Variants in ANKRD44 observed in about 807,000 individuals in gnomAD.
ANKRD44 encodes the protein ankyrin repeat domain 44.
In ANKRD44, 35 loss-of-function variants were observed where a neutral mutation model predicts 116.0. The ratio of observed to expected loss-of-function variants is 0.30; its 90% CI spans 0.23 to 0.40. The LOEUF (loss-of-function observed/expected upper bound fraction) is 0.40. ANKRD44 is among the 10% of genes least tolerant of loss of function. The pLI is 1.00. For missense variants in ANKRD44, 1,014 were observed against 1,242.6 expected, an observed-to-expected ratio of 0.82 and a Z score of 2.77; for synonymous variants, 435 against 461.8, an observed-to-expected ratio of 0.94 and a Z score of 0.74.
chr2:196,981,225 T>C (rs960678980), intron 21 of ANKRD44, among the ~76,000 whole-genome samples: 1 of 152,226 alleles, frequency 6.6e-6, no homozygotes, highest in Non-Finnish European at 1.5e-5. Context: ...TTTCACTTTC[T>C]TCCTTACCCA....
intron 1 of ANKRD44, among the ~76,000 whole-genome samples, chr2:197,217,826 A>G (rs2081485008): frequency 6.6e-6 from 1 of 152,180 alleles, no homozygotes; most frequent in African/African-American, 2.4e-5. Context: ...GGTTCTTTCC[A>G]GATCTAAAAA....
intron 1 of ANKRD44, among the ~76,000 whole-genome samples, chr2:197,258,270 CTTTTTTTTTTT>C (rs71395680): frequency 2.5e-5 from 2 of 79,222 alleles, no homozygotes; most frequent in Non-Finnish European, 4.4e-5. Context: ...TTGGCTAATC[CTTTTTTTTTTT>C]TTTTTTTTTT....
chr2:197,059,034 T>C (rs1253983357), intron 16 of ANKRD44, among the ~76,000 whole-genome samples: 1 of 15,436 alleles, frequency 6.5e-5, no homozygotes, highest in African/African-American at 9.3e-5. Flanking sequence ...ATAATTTTCA[T>C]CTAGATGATA....
intron 2 of ANKRD44, among the ~76,000 whole-genome samples, chr2:197,185,803 G>GT (rs2080642717): frequency 6.6e-6 from 1 of 152,122 alleles, no homozygotes; most frequent in Non-Finnish European, 1.5e-5. Flanking sequence ...TGTGACTTCA[G>GT]AGGGCACACA....
intron 1 of ANKRD44, among the ~76,000 whole-genome samples, chr2:197,276,602 G>A (rs1440540700): frequency 1.3e-5 from 2 of 152,044 alleles, no homozygotes; most frequent in Non-Finnish European, 2.9e-5. Context: ...TCCCCATATT[G>A]AAATACATGC....
At chr2:197,061,394 G>A (rs1574375699) in intron 16 of ANKRD44, among the ~76,000 whole-genome samples, 1 of 152,244 alleles carries the variant, frequency 6.6e-6, no homozygotes, top group African/African-American at 2.4e-5. Context: ...GGCAGCCCCT[G>A]CACTGTCATG....
intron 21 of ANKRD44, among the ~76,000 whole-genome samples, chr2:196,981,164 C>T (rs900319314): frequency 3.9e-5 from 6 of 152,194 alleles, no homozygotes; most frequent in Admixed American, 2.0e-4. Flanking sequence ...TCTGTCTTAT[C>T]CTGACCCCCA....
rs563084051 is a variant in ANKRD44, at chr2:197,072,104, G to A, written c.1650+6599C>T. Among the ~76,000 whole-genome samples, 5 of 144,056 alleles carry A rather than the reference G, an allele frequency of 3.5e-5. No individual in the cohort carries two copies. In the Admixed American group the frequency reaches 3.5e-4, roughly 10 times the overall value. The allele number at this position is 144,056 out of a possible 152,430, so 94.5% of individuals were successfully genotyped here. A position where few individuals can be genotyped will look rare whatever the true frequency, so the allele number is the denominator to read the frequency against. On this transcript the variant is annotated intron_variant, in intron 16 of 27. Transcript: ENST00000282272. ...GAAGGAAGGAAGGAAGGAAGGAAAA[G>A]GAAGAAAGGAGGAGGGAGGGTAGGG...
At chr2:197,146,751 T>G (rs1043493096) in intron 3 of ANKRD44, among the ~76,000 whole-genome samples, 2 of 151,206 alleles carry the variant, frequency 1.3e-5, no homozygotes, top group African/African-American at 2.5e-5. Context: ...AATCAAAATA[T>G]ATCCAAATGT....
chr2:197,163,065 A>T (rs1415347868), intron 2 of ANKRD44, among the ~76,000 whole-genome samples: 1 of 152,154 alleles, frequency 6.6e-6, no homozygotes, highest in East Asian at 1.9e-4. Flanking sequence ...TTGAGTGAAG[A>T]TAGCAACCAC....
intron 2 of ANKRD44, among the ~76,000 whole-genome samples, chr2:197,178,944 G>A (rs1332817847): frequency 6.6e-6 from 1 of 151,910 alleles, no homozygotes. Flanking sequence ...AGTGGCTCAC[G>A]CCTGTAATCC....
At chr2:197,139,851 TGTGTGTG>T (rs1559096348) in intron 3 of ANKRD44, among the ~76,000 whole-genome samples, 59 of 5,044 alleles carry the variant, frequency 0.012, no homozygotes, top group East Asian at 0.031. Flanking sequence ...GCTGCTTTTG[TGTGTGTG>T]TGTGTGTGTG....
intron 1 of ANKRD44, among the ~76,000 whole-genome samples, chr2:197,294,613 A>G (rs993755882): frequency 6.6e-6 from 1 of 152,094 alleles, no homozygotes; most frequent in African/African-American, 2.4e-5. Flanking sequence ...ACACACACAA[A>G]CTTATAACCC....
At chr2:197,130,719 C>T (rs1053543794) in intron 4 of ANKRD44, among the ~76,000 whole-genome samples, 2 of 152,184 alleles carry the variant, frequency 1.3e-5, no homozygotes, top group Non-Finnish European at 2.9e-5. Flanking sequence ...AAAACAATAA[C>T]ATTCTACTCT....
chr2:197,071,438 C>T (rs1431543703), intron 16 of ANKRD44, among the ~76,000 whole-genome samples: 1 of 152,118 alleles, frequency 6.6e-6, no homozygotes, highest in Admixed American at 6.5e-5. Flanking sequence ...TCTCTTGAGG[C>T]TTTCCTTTTA....
chr2:197,282,169 C>T (rs961522457), intron 1 of ANKRD44, among the ~76,000 whole-genome samples: 2 of 152,112 alleles, frequency 1.3e-5, no homozygotes, highest in Non-Finnish European at 2.9e-5. Flanking sequence ...AAGAGAATGG[C>T]GTGAACCTGG....
intron 18 of ANKRD44, among the ~76,000 whole-genome samples, chr2:197,009,468 C>G (rs757140739): frequency 1.3e-5 from 2 of 151,902 alleles, no homozygotes; most frequent in South Asian, 4.2e-4. Context: ...CTCCGCCTCC[C>G]GAGTTCAAGT....
chr2:197,096,135 C>T (rs1230750328), intron 10 of ANKRD44, among the ~76,000 whole-genome samples: 2 of 152,146 alleles, frequency 1.3e-5, no homozygotes, highest in Non-Finnish European at 2.9e-5. Context: ...TTTCACACAT[C>T]CCAGTGGCAC....
At chr2:197,075,863 T>C (rs1197705332) in intron 16 of ANKRD44, among the ~76,000 whole-genome samples, 1 of 152,008 alleles carries the variant, frequency 6.6e-6, no homozygotes, top group African/African-American at 2.4e-5. Flanking sequence ...AAAGAAAATA[T>C]ACATCAAATT....
Sources: allele counts gnomAD v4.1 joint callset (sites outside exome capture counted in the v4.1 genomes callset), GRCh38; gene constraint gnomAD v4.1.1; transcripts MANE v1.5; gene names NCBI Gene and HGNC (gene_info 2026-07-23, HGNC 2026-07-21).